The following RUNDC3B variants were observed in gnomAD, a reference collection of about 807,000 sequenced individuals.
The protein encoded by RUNDC3B is RUN domain containing 3B.
Under a neutral mutation model 58.4 loss-of-function variants are expected in RUNDC3B, and 33 were observed. That is an observed-to-expected ratio of 0.56 (90% confidence interval 0.43 to 0.75). The LOEUF (loss-of-function observed/expected upper bound fraction) is 0.75. Ranked by LOEUF, RUNDC3B falls within the 30% of genes least tolerant of loss-of-function variation. RUNDC3B has a pLI of 0.00. For missense variants in RUNDC3B, 501 were observed against 535.7 expected (o/e 0.94, Z 0.64); for synonymous variants, 193 against 195.2 (o/e 0.99, Z 0.10).
At chr7:87,796,017 C>A (rs1344695007) in intron 8 of RUNDC3B, among the ~76,000 whole-genome samples, 1 of 152,194 alleles carries the variant, frequency 6.6e-6, no homozygotes, top group Non-Finnish European at 1.5e-5. Context: ...CAAGTTTTTG[C>A]ATCATAATTT....
intron 3 of RUNDC3B, among the ~76,000 whole-genome samples, chr7:87,707,970 T>C (rs1292484212): frequency 1.3e-5 from 2 of 152,004 alleles, no homozygotes; most frequent in Non-Finnish European, 2.9e-5. Context: ...GAAAAATATT[T>C]GGAAAGTACT....
At chr7:87,761,937 G>T (rs1004776604) in intron 6 of RUNDC3B, among the ~76,000 whole-genome samples, 33 of 151,700 alleles carry the variant, frequency 2.2e-4, no homozygotes, top group African/African-American at 7.7e-4. Context: ...ACATAAAGGT[G>T]TATACAAGTA....
At chr7:87,640,192 G>GTATATA (rs772972684) in intron 1 of RUNDC3B, among the ~76,000 whole-genome samples, 13 of 145,452 alleles carry the variant, frequency 8.9e-5, no homozygotes, top group African/African-American at 3.3e-4. Context: ...ATATATATGT[G>GTATATA]TATATATATA....
At chr7:87,655,636 T>A (rs1824023131) in intron 2 of RUNDC3B, among the ~76,000 whole-genome samples, 1 of 152,130 alleles carries the variant, frequency 6.6e-6, no homozygotes, top group South Asian at 2.1e-4. Flanking sequence ...GTTCAAGAGA[T>A]CTATTGTACA....
At chr7:87,647,229 C>G (rs1004730729) in intron 1 of RUNDC3B, among the ~76,000 whole-genome samples, 1 of 152,140 alleles carries the variant, frequency 6.6e-6, no homozygotes, top group African/African-American at 2.4e-5. Context: ...TTTCAGAGGT[C>G]CACAAAGTCA....
At chr7:87,709,254 T>G (rs1829862360) in intron 3 of RUNDC3B, 2 of 985,276 alleles carry the variant, frequency 2.0e-6, no homozygotes, top group Admixed American at 6.1e-5. Context: ...TCTCCTGTGC[T>G]GAATTGTCTC....
chr7:87,787,519 T>G (rs886708330), intron 8 of RUNDC3B, among the ~76,000 whole-genome samples: 8 of 152,206 alleles, frequency 5.3e-5, no homozygotes, highest in Non-Finnish European at 8.8e-5. Flanking sequence ...GAATTACTAT[T>G]AAAACGCTTT....
At chr7:87,767,278 T>C (rs1441934447) in intron 6 of RUNDC3B, among the ~76,000 whole-genome samples, 2 of 152,204 alleles carry the variant, frequency 1.3e-5, no homozygotes, top group Non-Finnish European at 2.9e-5. Flanking sequence ...AGAACTAGTG[T>C]AATCCTTTGG....
chr7:87,770,630 A>G lies in RUNDC3B; in HGVS notation c.679A>G (p.Ser227Gly). ...DEEELRTLGSSGSESSTPENV... is the reference protein window; with the variant it reads ...DEEELRTLGSGGSESSTPENV... ...GGAGGAGCTAAGGACTTTGGGAAGCAGTGGTAGCGAAAGCAGTACTCCAGA... is the reference window on the plus strand; with the variant it reads ...GGAGGAGCTAAGGACTTTGGGAAGCGGTGGTAGCGAAAGCAGTACTCCAGA... The change falls in exon 7 of 11, where the codon AGT (serine) becomes GGT (glycine). Residue 227 changes from serine to glycine, a missense_variant. Ser to Gly is a moderately conservative substitution (Grantham distance 56). Coordinates refer to ENST00000394654, the MANE Select transcript of RUNDC3B (RefSeq NM_001134405.2). The G allele has an allele frequency of 6.2e-7, 1 of 1,613,762 alleles. No homozygotes were observed. Among genetic ancestry groups the G allele is most frequent in the African/African-American group, 1.3e-5 (1 of 75,030 alleles).
chr7:87,688,905 T>A (rs968912629), intron 2 of RUNDC3B, among the ~76,000 whole-genome samples: 10 of 152,004 alleles, frequency 6.6e-5, no homozygotes, highest in African/African-American at 2.4e-4. Context: ...ATCTTTATAT[T>A]TTATAACCAA....
At chr7:87,681,835 T>TCAA (rs1196658387) in intron 2 of RUNDC3B, among the ~76,000 whole-genome samples, 7 of 152,114 alleles carry the variant, frequency 4.6e-5, no homozygotes, top group Non-Finnish European at 5.9e-5. Context: ...AGACCCCATC[T>TCAA]CAACAACAAC....
intron 8 of RUNDC3B, 63 bp from the exon 9 acceptor site, chr7:87,807,310 T>C (rs1836487163): frequency 6.5e-7 from 1 of 1,546,222 alleles, no homozygotes; most frequent in Admixed American, 1.8e-5. Context: ...ATTGATACCA[T>C]TAGGTTCCTC....
chr7:87,675,653 C>CAAAAAAAAAAAAAAAAAAAAGA (rs200136132), intron 2 of RUNDC3B, among the ~76,000 whole-genome samples: 7 of 65,804 alleles, frequency 1.1e-4, no homozygotes, highest in East Asian at 4.4e-4. Context: ...TATTCACATG[C>CAAAAAAAAAAAAAAAAAAAAGA]AAAAAAAAAA....
Position 87,767,091 on chromosome 7 carries a change from G to T in RUNDC3B, c.630-3490G>T, listed in dbSNP as rs1474720117. 3.9e-5 allele frequency among the ~76,000 whole-genome samples: 6 copies of T among 151,972 alleles called. No homozygotes were observed. In the South Asian group the frequency reaches 6.2e-4, roughly 16 times the overall value. On this transcript the variant is annotated intron_variant, in intron 6 of 10. Coordinates refer to ENST00000394654, the MANE Select transcript of RUNDC3B (RefSeq NM_001134405.2). The stretch of plus-strand genomic sequence containing the variant: ...CGAATTTTTCATTTCTTCAAGTTCT[G>T]TTTGGTTTTTAAAAATATCTACCTA...
intron 2 of RUNDC3B, among the ~76,000 whole-genome samples, chr7:87,679,171 C>A (rs1310650517): frequency 7.0e-6 from 1 of 142,758 alleles, no homozygotes; most frequent in Non-Finnish European, 1.5e-5. Context: ...TGGCTCACTG[C>A]AAGCTCCTCC....
intron 6 of RUNDC3B, among the ~76,000 whole-genome samples, chr7:87,752,185 T>G (rs1318062747): frequency 1.3e-5 from 2 of 152,230 alleles, no homozygotes; most frequent in African/African-American, 4.8e-5. Context: ...ATTTATTGAT[T>G]TGTGTATATG....
At chr7:87,677,507 T>A (rs1400133924) in intron 2 of RUNDC3B, among the ~76,000 whole-genome samples, 2 of 152,072 alleles carry the variant, frequency 1.3e-5, no homozygotes, top group Non-Finnish European at 2.9e-5. Flanking sequence ...AAATGTTGAT[T>A]ACCAGAGGCT....
intron 4 of RUNDC3B, among the ~76,000 whole-genome samples, chr7:87,711,956 A>C (rs915345343): frequency 2.6e-5 from 4 of 152,218 alleles, no homozygotes; most frequent in African/African-American, 9.6e-5. Flanking sequence ...CATATCTCTG[A>C]GATCTTAACT....
intron 4 of RUNDC3B, among the ~76,000 whole-genome samples, chr7:87,729,306 A>G (rs1195386168): frequency 6.6e-6 from 1 of 152,194 alleles, no homozygotes; most frequent in Non-Finnish European, 1.5e-5. Context: ...TGGTTTTAAC[A>G]TTATATTAAG....
Sources: gnomAD v4.1 joint callset for allele counts (sites outside exome capture counted in the v4.1 genomes callset) on GRCh38, gnomAD v4.1.1 for gene constraint, MANE v1.5 for transcripts, NCBI Gene and HGNC (gene_info 2026-07-23, HGNC 2026-07-21) for gene names.